Variants in ZNF700 observed in about 807,000 individuals in gnomAD.
The protein encoded by ZNF700 is zinc finger protein 700.
Under a neutral mutation model 65.3 loss-of-function variants are expected in ZNF700, and 38 were observed. That is an observed-to-expected ratio of 0.58 (90% CI 0.45 to 0.76). ZNF700 has a LOEUF of 0.76. ZNF700 is among the 30% of genes least tolerant of loss of function. The probability of loss-of-function intolerance (pLI) is 0.00; values close to 1 mark genes in which losing one functional copy is unlikely to be tolerated. For synonymous variants in ZNF700, 285 were observed against 290.4 expected (o/e 0.98, Z 0.19); for missense variants, 857 against 888.4 (o/e 0.96, Z 0.45).
intron 1 of ZNF700, among the ~76,000 whole-genome samples, chr19:11,929,277 C>T (rs1344714547): frequency 6.7e-6 from 1 of 148,340 alleles, no homozygotes; most frequent in Non-Finnish European, 1.5e-5. Flanking sequence ...AATTCTCCTG[C>T]CTCAGCCTCC....
rs1229187051 is a variant in ZNF700 at position 11,949,647 on chromosome 19, TGGTAAA to T, written c.1625_1630del (p.Gly542_Lys543del). 5.0e-6 allele frequency: 8 copies of T among 1,613,406 alleles called. No individual in the cohort carries two copies. The African/African-American group carries it at 8.0e-5, about 16-fold the overall frequency. ...AGAAACCCTATGAATGCAACCAATGTGGTAAAGCCTTCAGATGTTGCAATTCCCTTC... is the reference window on the plus strand; with the variant it reads ...AGAAACCCTATGAATGCAACCAATGTGCCTTCAGATGTTGCAATTCCCTTC... On this transcript the variant is annotated inframe_deletion, in exon 4 of 4. Transcript: ENST00000254321.
Position 11,950,599 on chromosome 19 carries a change from C to G in ZNF700, c.*346C>G, listed in dbSNP as rs372282172. 409 of 471,964 alleles carry G rather than the reference C, an allele frequency of 8.7e-4. 2 individuals carry two copies. Among genetic ancestry groups the G allele is most frequent in the African/African-American group, 7.1e-3 (358 of 50,226 alleles). The allele number at this position is 471,964 out of a possible 1,614,324, so 29.2% of individuals were successfully genotyped here. On this transcript the variant is annotated 3_prime_UTR_variant, in exon 4 of 4. Coordinates refer to ENST00000254321, the MANE Select transcript of ZNF700 (RefSeq NM_144566.3). ...CTTCAACGGCATGGAAGGGTTCACA[C>G]TTGGGAGAAACTCTATGAATGTAAG...
intron 1 of ZNF700, among the ~76,000 whole-genome samples, chr19:11,926,282 G>A (rs1011763267): frequency 6.6e-6 from 1 of 152,186 alleles, no homozygotes; most frequent in Non-Finnish European, 1.5e-5. Flanking sequence ...GTGGGAGAGG[G>A]TATAAGGAGA....
At position 11,949,544 on chromosome 19, in the gene ZNF700, C is replaced by T; in HGVS notation, c.1520C>T (p.Pro507Leu). Residue 507 changes from proline to leucine, a missense_variant, in exon 4 of 4, where the codon CCT (proline) becomes CTT (leucine). Transcript: ENST00000254321. ...ATAAGAATGCCCTCTGGAGAAAGAC[C>T]TTATAAATGTAGTATATGTGAGAAA... ...KHIRMPSGER[P>L]YKCSICEKGF... 6.8e-6 allele frequency: 11 copies of T among 1,610,888 alleles called. No homozygotes were observed. Among genetic ancestry groups the T allele is most frequent in the Non-Finnish European group, 9.3e-6 (11 of 1,179,420 alleles).
intron 1 of ZNF700, among the ~76,000 whole-genome samples, chr19:11,938,310 G>A (rs1367589256): frequency 3.3e-5 from 5 of 152,080 alleles, no homozygotes; most frequent in Admixed American, 2.6e-4. Flanking sequence ...ATGTATACAT[G>A]TGACATGTTG....
intron 1 of ZNF700, among the ~76,000 whole-genome samples, chr19:11,939,507 G>A (rs886883458): frequency 2.0e-5 from 3 of 152,110 alleles, no homozygotes; most frequent in South Asian, 2.1e-4. Context: ...TGTTGTTTTT[G>A]TCAGGTTCGT....
chr19:11,944,041 TCCA>T (rs1366979399), intron 1 of ZNF700, among the ~76,000 whole-genome samples: 1 of 152,152 alleles, frequency 6.6e-6, no homozygotes, highest in Admixed American at 6.5e-5. Flanking sequence ...TGTGGTCCCT[TCCA>T]CCATGGGCAC....
intron 1 of ZNF700, among the ~76,000 whole-genome samples, chr19:11,940,811 G>A (rs1012688629): frequency 1.3e-5 from 2 of 152,134 alleles, no homozygotes; most frequent in Non-Finnish European, 2.9e-5. Flanking sequence ...CCCTGAGCTA[G>A]ACACAAAGGT....
chr19:11,937,302 G>A (rs1174939094), intron 1 of ZNF700, among the ~76,000 whole-genome samples: 3 of 151,956 alleles, frequency 2.0e-5, no homozygotes, highest in Non-Finnish European at 1.5e-5. Context: ...TGCTAATCCA[G>A]GTGTTTCAGT....
At chr19:11,928,264 A>G (rs916613706) in intron 1 of ZNF700, among the ~76,000 whole-genome samples, 1 of 152,126 alleles carries the variant, frequency 6.6e-6, no homozygotes, top group African/African-American at 2.4e-5. Context: ...GGGATTACAG[A>G]TACAGATATC....
intron 1 of ZNF700, among the ~76,000 whole-genome samples, chr19:11,925,907 A>G (rs1241141719): frequency 1.3e-5 from 2 of 152,214 alleles, no homozygotes; most frequent in African/African-American, 2.4e-5. Flanking sequence ...TATTCATTTC[A>G]GAGAGACAGG....
At position 11,948,667 on chromosome 19, in the gene ZNF700, A is replaced by C; in HGVS notation, c.643A>C (p.Met215Leu). 1 of 1,612,726 alleles carries C rather than the reference A, an allele frequency of 6.2e-7. No individual in the cohort carries two copies. The highest frequency in any genetic ancestry group is 8.5e-7 in the Non-Finnish European group (1 of 1,179,696). Residue 215 changes from methionine to leucine, a missense_variant, in exon 4 of 4, where the codon ATG (methionine) becomes CTG (leucine). Met to Leu is a conservative substitution (Grantham distance 15). Around this residue, in one of 3 missense-constraint regions of ZNF700, gnomAD observed 603 missense variants for 619.9 expected, o/e 0.97. Transcript: ENST00000254321. ...FHSSIRRHMV[M>L]HSGDGTYKCK... ...TTCAAGCATTCGAAGACACATGGTA[A>C]TGCACAGTGGGGATGGAACTTATAA...
chr19:11,938,342 G>A (rs183065494), intron 1 of ZNF700, among the ~76,000 whole-genome samples: 25 of 152,098 alleles, frequency 1.6e-4, no homozygotes, highest in African/African-American at 4.1e-4. Flanking sequence ...CCATTAACTC[G>A]TTATTTACAT....
At chr19:11,930,854 C>G (rs1972702598) in intron 1 of ZNF700, among the ~76,000 whole-genome samples, 1 of 147,896 alleles carries the variant, frequency 6.8e-6, no homozygotes, top group Admixed American at 6.6e-5. Context: ...TCAAAATTAG[C>G]CAAGCATAGT....
At chr19:11,947,344 C>T in intron 2 of ZNF700, 37 bp downstream of exon 2, 1 of 1,612,218 alleles carries the variant, frequency 6.2e-7, no homozygotes, top group Non-Finnish European at 8.5e-7. Flanking sequence ...AGTGCATTAG[C>T]AAACCAGTGT....
chr19:11,950,590 G>A lies in ZNF700; in HGVS notation c.*337G>A. On this transcript the variant is annotated 3_prime_UTR_variant, in exon 4 of 4. Transcript: ENST00000254321. Reference sequence around the variant, plus strand: ...GCCTCGCACCTTCAACGGCATGGAAGGGTTCACACTTGGGAGAAACTCTAT... The same window carrying A: ...GCCTCGCACCTTCAACGGCATGGAAAGGTTCACACTTGGGAGAAACTCTAT... The A allele has an allele frequency of 2.0e-6, 1 of 499,398 alleles. No homozygotes were observed. The highest frequency in any genetic ancestry group is 1.9e-5 in the South Asian group (1 of 52,766). 30.9% of individuals were successfully genotyped at this position (499,398 alleles called of 1,614,324 possible).
intron 1 of ZNF700, among the ~76,000 whole-genome samples, chr19:11,934,594 T>G (rs939356754): frequency 6.8e-6 from 1 of 147,326 alleles, no homozygotes; most frequent in Non-Finnish European, 1.5e-5. Flanking sequence ...TGGCGCAATC[T>G]CAGCTCACTG....
chr19:11,938,317 G>A (rs1367605343), intron 1 of ZNF700, among the ~76,000 whole-genome samples: 1 of 152,128 alleles, frequency 6.6e-6, no homozygotes, highest in Non-Finnish European at 1.5e-5. Context: ...CATGTGACAT[G>A]TTGGTGTGCT....
chr19:11,944,804 G>C (rs1162345569), intron 1 of ZNF700, among the ~76,000 whole-genome samples: 1 of 152,224 alleles, frequency 6.6e-6, no homozygotes, highest in Non-Finnish European at 1.5e-5. Flanking sequence ...CTGTGCCACT[G>C]TTTCAGCAAG....
Sources: allele counts gnomAD v4.1 joint callset (sites outside exome capture counted in the v4.1 genomes callset), GRCh38; gene constraint gnomAD v4.1.1; regional missense constraint gnomAD v4.1.1; transcripts MANE v1.5; gene names NCBI Gene and HGNC (gene_info 2026-07-23, HGNC 2026-07-21).